Variants in GMDS observed in about 807,000 individuals in gnomAD.
GMDS encodes GDP-mannose 4,6-dehydratase, also known as GDP-mannose 4,6 dehydratase.
GMDS carries 20 observed loss-of-function variants against 49.9 expected under a neutral mutation model. That is an observed-to-expected ratio of 0.40 (90% CI 0.28 to 0.58). GMDS has a LOEUF of 0.58. Among genes scored for constraint, GMDS ranks in the 20% least tolerant of loss-of-function variants. The pLI is 0.42. For missense variants in GMDS, 362 were observed against 481.4 expected (o/e 0.75, Z 2.32); for synonymous variants, 177 against 178.6 (o/e 0.99, Z 0.07).
chr6:2,139,511 G>C (rs1425034132), intron 1 of GMDS, among the ~76,000 whole-genome samples: 2 of 152,158 alleles, frequency 1.3e-5, no homozygotes, highest in Non-Finnish European at 1.5e-5. Flanking sequence ...GTGGCTTATA[G>C]CTATTGTTCC....
At chr6:2,044,144 A>T (rs1369994493) in intron 4 of GMDS, among the ~76,000 whole-genome samples, 2 of 152,248 alleles carry the variant, frequency 1.3e-5, no homozygotes, top group African/African-American at 2.4e-5. Flanking sequence ...CACTGTGAAA[A>T]GCAGTATGGC....
intron 4 of GMDS, among the ~76,000 whole-genome samples, chr6:2,065,087 G>A (rs941662748): frequency 6.6e-6 from 1 of 152,136 alleles, no homozygotes; most frequent in Non-Finnish European, 1.5e-5. Flanking sequence ...AGGACAGGCA[G>A]ACTGCCTCCT....
At chr6:1,664,294 C>T (rs1450471466) in intron 9 of GMDS, among the ~76,000 whole-genome samples, 1 of 152,194 alleles carries the variant, frequency 6.6e-6, no homozygotes, top group Non-Finnish European at 1.5e-5. Flanking sequence ...AATGAGCTGG[C>T]CCCAGATTTC....
rs139161573 is a variant in GMDS at position 1,778,704 on chromosome 6, CT to C, written c.772-36119del. Reference sequence around the variant, plus strand: ...TATTTTTGTCTGTCACTGGAGGGAACTTTCCCTTCCTGCCAGCCAGGAAAAA... The same window carrying C: ...TATTTTTGTCTGTCACTGGAGGGAACTTCCCTTCCTGCCAGCCAGGAAAAA... On this transcript the variant is annotated intron_variant, in intron 7 of 10. Coordinates refer to ENST00000380815, the MANE Select transcript of GMDS (RefSeq NM_001500.4). The surrounding 1 kb of genome is among the most constrained non-coding windows in gnomAD (Gnocchi z 4.6). 9.3e-3 allele frequency among the ~76,000 whole-genome samples: 1,419 copies of C among 152,284 alleles called. 17 individuals carry two copies. Among genetic ancestry groups the C allele is most frequent in the African/African-American group, 0.033 (1,364 of 41,546 alleles).
chr6:1,981,942 A>G (rs529383859), intron 4 of GMDS, among the ~76,000 whole-genome samples: 3 of 152,352 alleles, frequency 2.0e-5, no homozygotes, highest in Admixed American at 6.5e-5. Context: ...ATCTCAATAG[A>G]TGAGAAAAGG....
At chr6:1,944,067 T>C (rs904541410) in intron 6 of GMDS, among the ~76,000 whole-genome samples, 2 of 152,248 alleles carry the variant, frequency 1.3e-5, no homozygotes, top group African/African-American at 4.8e-5. Flanking sequence ...TCAGAATTGA[T>C]AGAGCTATTT....
At chr6:1,772,973 C>A (rs1207238222) in intron 7 of GMDS, among the ~76,000 whole-genome samples, 1 of 152,160 alleles carries the variant, frequency 6.6e-6, no homozygotes, top group Non-Finnish European at 1.5e-5. Context: ...CATATTCTTA[C>A]TTTGTGAATG....
intron 4 of GMDS, among the ~76,000 whole-genome samples, chr6:2,062,366 C>A (rs1213309886): frequency 6.6e-6 from 1 of 152,190 alleles, no homozygotes; most frequent in Non-Finnish European, 1.5e-5. Context: ...AAAATTCAGA[C>A]TGCATAAGGG....
At chr6:2,223,675 G>A (rs1227762717) in intron 1 of GMDS, among the ~76,000 whole-genome samples, 1 of 152,128 alleles carries the variant, frequency 6.6e-6, no homozygotes, top group Non-Finnish European at 1.5e-5. Flanking sequence ...CAAGATTTCT[G>A]ACTTTGGCTC....
intron 7 of GMDS, among the ~76,000 whole-genome samples, chr6:1,893,797 G>A (rs957410660): frequency 6.6e-6 from 1 of 152,188 alleles, no homozygotes; most frequent in Non-Finnish European, 1.5e-5. Flanking sequence ...TTAATGAACA[G>A]AAGAAATTAA....
At chr6:2,094,280 G>C (rs957410801) in intron 4 of GMDS, among the ~76,000 whole-genome samples, 6 of 152,146 alleles carry the variant, frequency 3.9e-5, no homozygotes, top group Admixed American at 2.0e-4. Context: ...TGTTTAATTT[G>C]TATAGACTAG....
At chr6:2,151,730 A>T (rs1371334355) in intron 1 of GMDS, among the ~76,000 whole-genome samples, 1 of 152,114 alleles carries the variant, frequency 6.6e-6, no homozygotes, top group Non-Finnish European at 1.5e-5. Flanking sequence ...TCTATATTTC[A>T]ATCAATTTCT....
intron 4 of GMDS, among the ~76,000 whole-genome samples, chr6:2,014,318 T>C (rs1162065854): frequency 6.6e-6 from 1 of 151,956 alleles, no homozygotes; most frequent in East Asian, 1.9e-4. Flanking sequence ...ATCGTTTTTA[T>C]TCTTAACTGA....
chr6:2,052,718 G>C (rs943607924), intron 4 of GMDS, among the ~76,000 whole-genome samples: 10 of 152,202 alleles, frequency 6.6e-5, no homozygotes, highest in Non-Finnish European at 1.3e-4. Context: ...CCAGCCAGTG[G>C]AATAGAATAC....
rs1428980834 is a variant in GMDS at position 2,203,543 on chromosome 6, G to A, written c.102+41778C>T. ...ACAGTAGGCCCACTGTGGAAGCACA[G>A]TGTGAATACTGGTGTGACATTTAGG... On this transcript the variant is annotated intron_variant, in intron 1 of 10. Transcript: ENST00000380815. 2.6e-5 allele frequency among the ~76,000 whole-genome samples: 4 copies of A among 152,062 alleles called. No homozygotes were observed. The East Asian group carries it at 7.7e-4, about 29-fold the overall frequency.
At chr6:2,037,955 A>G (rs1769402574) in intron 4 of GMDS, among the ~76,000 whole-genome samples, 1 of 152,242 alleles carries the variant, frequency 6.6e-6, no homozygotes, top group African/African-American at 2.4e-5. Context: ...GGTTGTTTCC[A>G]AAGATAAACA....
intron 4 of GMDS, among the ~76,000 whole-genome samples, chr6:1,997,005 T>C (rs1283173382): frequency 2.0e-5 from 3 of 151,970 alleles, no homozygotes; most frequent in African/African-American, 7.3e-5. Context: ...CCACCTCACT[T>C]AGCTTGGTGA....
chr6:1,791,279 C>A (rs147812937), intron 7 of GMDS, among the ~76,000 whole-genome samples: 7 of 152,098 alleles, frequency 4.6e-5, no homozygotes, highest in African/African-American at 1.7e-4. Context: ...TTGTACTGGG[C>A]GCTTAAACAC....
intron 7 of GMDS, among the ~76,000 whole-genome samples, chr6:1,814,213 G>C (rs935658600): frequency 1.6e-4 from 24 of 152,208 alleles, no homozygotes; most frequent in African/African-American, 5.6e-4. Flanking sequence ...AAAACTGGGA[G>C]GCTTTCATTC....
Sources: allele counts gnomAD v4.1 joint callset (sites outside exome capture counted in the v4.1 genomes callset), GRCh38; gene constraint gnomAD v4.1.1; non-coding constraint Gnocchi (gnomAD v3.1); transcripts MANE v1.5; gene names NCBI Gene and HGNC (gene_info 2026-07-23, HGNC 2026-07-21).